ICE2: variants seen among roughly 807,000 people sequenced by gnomAD.
ICE2 encodes the protein interactor of little elongation complex ELL subunit 2.
A neutral mutation model predicts 105.4 loss-of-function variants in ICE2; 87 were observed. The ratio of observed to expected loss-of-function variants is 0.83; its 90% confidence interval spans 0.69 to 0.99. ICE2 has a LOEUF of 0.99. Ranked by LOEUF, ICE2 falls within the 50% of genes least tolerant of loss-of-function variation. The pLI, the probability that ICE2 is intolerant of heterozygous loss-of-function variation, is 0.00. For missense variants in ICE2, 1,323 were observed against 1,146.7 expected (o/e 1.15, Z -2.22); for synonymous variants, 399 against 392.0 (o/e 1.02, Z -0.21).
chr15:60,448,937 G>C lies in ICE2; in HGVS notation c.2030C>G (p.Pro677Arg). The C allele has an allele frequency of 1.9e-6, 3 of 1,613,806 alleles. No homozygotes were observed. The highest frequency in any genetic ancestry group is 2.2e-5 in the East Asian group (1 of 44,872). Residue 677 changes from proline (P) to arginine (R), a missense_variant, in exon 10 of 16, where the codon CCT (proline) becomes CGT (arginine). Coordinates refer to ENST00000261520, the MANE Select transcript of ICE2 (RefSeq NM_024611.6). ...ACCAGACAATTGCTCAGAAACAGAA[G>C]GCTGTTTAGAATTTTCTAAATTCAT... ...PLMNLENSKQPSVSEQLSGPS... is the reference protein window; with the variant it reads ...PLMNLENSKQRSVSEQLSGPS...
At chr15:60,439,785 T>A (rs2063681417) in intron 12 of ICE2, 1 of 152,210 alleles carries the variant, frequency 6.6e-6, no homozygotes. Flanking sequence ...ATCTTCAGGA[T>A]TTGTTTACTG....
intron 13 of ICE2, among the ~76,000 whole-genome samples, chr15:60,435,677 A>G (rs1368707186): frequency 6.6e-6 from 1 of 152,028 alleles, no homozygotes. Context: ...AAAACAAAAC[A>G]AACAGTACAT....
In ICE2 at chr15:60,468,270, C is replaced by T; in HGVS notation, c.199G>A (p.Ala67Thr). The T allele has an allele frequency of 1.9e-6, 3 of 1,613,066 alleles. No individual in the cohort carries two copies. The highest frequency in any genetic ancestry group is 1.7e-4 in the Middle Eastern group (1 of 6,054). The change falls in exon 4 of 16, where the codon GCA becomes ACA. Residue 67 changes from alanine (A) to threonine (T), a missense_variant. Physicochemically the swap from Ala to Thr is moderately conservative, Grantham distance 58 (BLOSUM62 0). Coordinates refer to ENST00000261520, the MANE Select transcript of ICE2 (RefSeq NM_024611.6). ...ASASSVENEPAVSSATQAKEK... is the reference protein window; with the variant it reads ...ASASSVENEPTVSSATQAKEK... ...TTTGCTTGAGTTGCTGAACTAACTG[C>T]CGGCTCATTTTCTACAGAACTTGCT...
At chr15:60,423,911 C>T (rs1040998560) in intron 15 of ICE2, 149 bp from the exon 16 acceptor site, 8 of 653,608 alleles carry the variant, frequency 1.2e-5, no homozygotes, top group Admixed American at 4.1e-5. Flanking sequence ...TGTTTCTAAA[C>T]AAGTTTTAAT....
chr15:60,429,283 T>A (rs1462291188), intron 14 of ICE2, among the ~76,000 whole-genome samples: 1 of 152,194 alleles, frequency 6.6e-6, no homozygotes, highest in Non-Finnish European at 1.5e-5. Flanking sequence ...TTCTATTAGA[T>A]CTTCCACAAT....
Position 60,479,034 on chromosome 15 carries a change from G to A in ICE2, c.-124C>T, listed in dbSNP as rs1434429834. ...GTCCGCGGCGGCTCTTGCCCAGGCC[G>A]CAGCCACACACCACACACGCTCCAC... On this transcript the variant is annotated 5_prime_UTR_variant, in exon 1 of 16. Coordinates refer to ENST00000261520, the MANE Select transcript of ICE2 (RefSeq NM_024611.6). 6.6e-6 allele frequency: 3 copies of A among 455,930 alleles called. No individual in the cohort carries two copies. Among genetic ancestry groups the A allele is most frequent in the East Asian group, 7.0e-5 (1 of 14,366 alleles). 28.2% of individuals were successfully genotyped at this position (455,930 alleles called of 1,614,324 possible).
chr15:60,467,767 G>C (rs1029816985), intron 4 of ICE2, among the ~76,000 whole-genome samples: 18 of 152,104 alleles, frequency 1.2e-4, no homozygotes, highest in African/African-American at 4.1e-4. Flanking sequence ...TTGAGAATTT[G>C]GAAATGTCTT....
intron 3 of ICE2, among the ~76,000 whole-genome samples, chr15:60,470,283 T>A (rs1001172777): frequency 3.9e-5 from 6 of 152,122 alleles, no homozygotes; most frequent in African/African-American, 1.4e-4. Context: ...GTTTCCAAAG[T>A]GAACACACCA....
At chr15:60,452,891 T>C in intron 9 of ICE2, 1 of 985,456 alleles carries the variant, frequency 1.0e-6, no homozygotes, top group South Asian at 4.7e-5. Context: ...AAATACTTTC[T>C]GTAACAATCA....
rs954308849 is a variant in ICE2 at position 60,443,209 on chromosome 15, G to T, written c.2296-664C>A. 3.3e-5 allele frequency: 5 copies of T among 152,218 alleles called. No homozygotes were observed. In the East Asian group the frequency reaches 9.6e-4, roughly 29 times the overall value. The allele number at this position is 152,218 out of a possible 1,614,324, so 9.4% of individuals were successfully genotyped here. On this transcript the variant is annotated intron_variant, in intron 11 of 15. Transcript: ENST00000261520. ...ACTGGCCTAAGGGAGCGTAAGCAAA[G>T]AAATACATGTTGTTCACTGTGCTTA...
In ICE2 at chr15:60,455,308, T is replaced by C. The variant is rs1167334536; in HGVS notation, c.783+18A>G. On this transcript the variant is annotated intron_variant, in intron 7 of 15. Coordinates refer to ENST00000261520, the MANE Select transcript of ICE2 (RefSeq NM_024611.6). ...TAAAAGATTATTTAGGAAGATCCAA[T>C]GTTGCCTTGGTACTTACATAATGCA... The C allele has an allele frequency of 5.7e-6, 9 of 1,573,514 alleles. No individual in the cohort carries two copies. The highest frequency in any genetic ancestry group is 1.1e-5 in the South Asian group (1 of 89,746).
At chr15:60,468,585 T>C (rs1419682279) in intron 3 of ICE2, among the ~76,000 whole-genome samples, 1 of 152,236 alleles carries the variant, frequency 6.6e-6, no homozygotes, top group African/African-American at 2.4e-5. Context: ...TTAGAAGTTT[T>C]TTTCCCATTA....
chr15:60,435,843 G>C (rs1453715851), intron 13 of ICE2, among the ~76,000 whole-genome samples: 2 of 151,866 alleles, frequency 1.3e-5, no homozygotes, highest in African/African-American at 4.8e-5. Context: ...GGGCATGCTG[G>C]TGCACACCTG....
intron 8 of ICE2, among the ~76,000 whole-genome samples, chr15:60,454,437 C>T (rs1432761475): frequency 6.6e-6 from 1 of 152,158 alleles, no homozygotes; most frequent in East Asian, 1.9e-4. Flanking sequence ...GACAGAACAA[C>T]CTGACCATTT....
intron 11 of ICE2, among the ~76,000 whole-genome samples, chr15:60,446,744 C>T (rs1309344758): frequency 6.6e-6 from 1 of 152,084 alleles, no homozygotes; most frequent in East Asian, 1.9e-4. Context: ...CCACAATGAT[C>T]AATAGTAGAA....
At chr15:60,474,748 A>C (rs1335290704) in intron 3 of ICE2, among the ~76,000 whole-genome samples, 1 of 152,192 alleles carries the variant, frequency 6.6e-6, no homozygotes, top group African/African-American at 2.4e-5. Context: ...TATAAATGAG[A>C]GAAAAGGTAA....
At chr15:60,477,805 TA>T (rs1439708026) in intron 2 of ICE2, 131 bp downstream of exon 2, 42 of 786,446 alleles carry the variant, frequency 5.3e-5, no homozygotes, top group Non-Finnish European at 9.1e-5. Flanking sequence ...GAGGATAGGG[TA>T]AATTCTGAGA....
At chr15:60,460,326 T>C (rs531087202) in intron 5 of ICE2, among the ~76,000 whole-genome samples, 33 of 152,126 alleles carry the variant, frequency 2.2e-4, no homozygotes, top group Non-Finnish European at 4.3e-4. Context: ...GTGAAATCCA[T>C]CTCCACTAAA....
intron 10 of ICE2, among the ~76,000 whole-genome samples, chr15:60,448,378 C>T (rs1449038554): frequency 2.0e-5 from 3 of 152,038 alleles, no homozygotes; most frequent in Non-Finnish European, 2.9e-5. Flanking sequence ...TAACTCTAGG[C>T]AAAGTATAAA....
Sources: gnomAD v4.1 joint callset for allele counts (sites outside exome capture counted in the v4.1 genomes callset) on GRCh38, gnomAD v4.1.1 for gene constraint, MANE v1.5 for transcripts, NCBI Gene and HGNC (gene_info 2026-07-23, HGNC 2026-07-21) for gene names.